MYO1D: variants seen among roughly 807,000 people sequenced by gnomAD.
MYO1D encodes the protein unconventional myosin-Id.
In MYO1D, 83 loss-of-function variants were observed where a neutral mutation model predicts 122.0. That is an observed-to-expected ratio of 0.68 (90% CI 0.57 to 0.82). MYO1D has a LOEUF of 0.82. Ranked by LOEUF, MYO1D falls within the 40% of genes least tolerant of loss-of-function variation. The probability of loss-of-function intolerance (pLI) is 0.00; values close to 1 mark genes in which losing one functional copy is unlikely to be tolerated. For synonymous variants in MYO1D, 464 were observed against 446.9 expected, an observed-to-expected ratio of 1.04 and a Z score of -0.48; for missense variants, 1,157 against 1,269.5, an observed-to-expected ratio of 0.91 and a Z score of 1.35.
intron 8 of MYO1D, among the ~76,000 whole-genome samples, chr17:32,761,812 A>G (rs1479836126): frequency 6.6e-6 from 1 of 152,116 alleles, no homozygotes; most frequent in Non-Finnish European, 1.5e-5. Flanking sequence ...AACTGTTCCT[A>G]TCCTACTTTT....
intron 10 of MYO1D, among the ~76,000 whole-genome samples, chr17:32,757,212 G>T (rs1598070773): frequency 6.6e-6 from 1 of 152,168 alleles, no homozygotes; most frequent in East Asian, 1.9e-4. Context: ...TGTATCTTAT[G>T]GACTGAAACC....
chr17:32,776,096 T>C, intron 3 of MYO1D, 67 bp from the exon 4 acceptor site: 1 of 1,428,812 alleles, frequency 7.0e-7, no homozygotes, highest in South Asian at 1.3e-5. Flanking sequence ...AAAAACTGGA[T>C]TTTGCTAAAC....
intron 21 of MYO1D, among the ~76,000 whole-genome samples, chr17:32,574,497 CT>C (rs1324603540): frequency 6.6e-6 from 1 of 152,174 alleles, no homozygotes; most frequent in African/African-American, 2.4e-5. Context: ...TGCAAGTCTT[CT>C]TTTCCTAATC....
chr17:32,565,732 GTT>G (rs199779989), intron 21 of MYO1D, among the ~76,000 whole-genome samples: 1 of 150,822 alleles, frequency 6.6e-6, no homozygotes. Flanking sequence ...GAGTGTGTGT[GTT>G]TTTTTTTTGA....
chr17:32,496,515 C>T (rs1909117374), intron 21 of MYO1D, among the ~76,000 whole-genome samples: 2 of 152,242 alleles, frequency 1.3e-5, no homozygotes, highest in South Asian at 2.1e-4. Context: ...CTCTTCTACT[C>T]TTGTGGGCAC....
Position 32,659,125 on chromosome 17 carries a change from T to C in MYO1D, c.2335A>G (p.Ile779Val). The change falls in exon 17 of 22, where the codon ATT (isoleucine) becomes GTT (valine). Residue 779 changes from isoleucine to valine, a missense_variant. Coordinates refer to ENST00000318217, the MANE Select transcript of MYO1D (RefSeq NM_015194.3). ...LRRFEEALQT[I>V]FNRWRASQLI... ...GCAGCACGTTCTTACCTATTGAAAATCGTCTGCAGGGCCTCCTCAAAACGG... is the reference window on the plus strand; with the variant it reads ...GCAGCACGTTCTTACCTATTGAAAACCGTCTGCAGGGCCTCCTCAAAACGG... 6.2e-7 allele frequency: 1 copy of C among 1,614,014 alleles called. No homozygotes were observed. Among genetic ancestry groups the C allele is most frequent in the Non-Finnish European group, 8.5e-7 (1 of 1,179,936 alleles).
At chr17:32,565,134 G>A (rs1438546329) in intron 21 of MYO1D, among the ~76,000 whole-genome samples, 1 of 152,166 alleles carries the variant, frequency 6.6e-6, no homozygotes, top group Non-Finnish European at 1.5e-5. Context: ...TTCTGGAGTA[G>A]CTGGGACTAC....
At chr17:32,817,339 G>A (rs1424566485) in intron 1 of MYO1D, among the ~76,000 whole-genome samples, 7 of 152,122 alleles carry the variant, frequency 4.6e-5, no homozygotes, top group Non-Finnish European at 1.0e-4. Context: ...CTGAGTAACA[G>A]GAAAACAACC....
intron 21 of MYO1D, among the ~76,000 whole-genome samples, chr17:32,507,395 C>A (rs1187220113): frequency 1.3e-5 from 2 of 152,104 alleles, no homozygotes; most frequent in Non-Finnish European, 2.9e-5. Flanking sequence ...CAGAGCGAGA[C>A]CCTATCTCAA....
chr17:32,786,988 G>T (rs1226823515), intron 1 of MYO1D, among the ~76,000 whole-genome samples: 1 of 151,606 alleles, frequency 6.6e-6, no homozygotes, highest in Non-Finnish European at 1.5e-5. Context: ...AATTATGAAA[G>T]AACATTCTGT....
At chr17:32,587,235 G>A (rs2087396058) in intron 21 of MYO1D, among the ~76,000 whole-genome samples, 1 of 152,204 alleles carries the variant, frequency 6.6e-6, no homozygotes, top group South Asian at 2.1e-4. Context: ...CGCCAGGCCA[G>A]GGGCTGTGGC....
chr17:32,846,538 C>T (rs995203892), intron 1 of MYO1D, among the ~76,000 whole-genome samples: 2 of 152,146 alleles, frequency 1.3e-5, no homozygotes, highest in Non-Finnish European at 2.9e-5. Flanking sequence ...AATAGAAATA[C>T]ATTCTTGCAA....
chr17:32,538,134 A>G (rs532253675), intron 21 of MYO1D, among the ~76,000 whole-genome samples: 10 of 152,324 alleles, frequency 6.6e-5, no homozygotes. Context: ...ATAGAAAATA[A>G]TGGTGCATCT....
chr17:32,839,476 C>T (rs1479347766), intron 1 of MYO1D, among the ~76,000 whole-genome samples: 2 of 152,150 alleles, frequency 1.3e-5, no homozygotes, highest in Non-Finnish European at 2.9e-5. Flanking sequence ...GGAGTAATTG[C>T]GTGTGGCTTT....
intron 21 of MYO1D, among the ~76,000 whole-genome samples, chr17:32,499,888 G>C (rs1031924465): frequency 2.0e-5 from 3 of 152,140 alleles, no homozygotes; most frequent in Admixed American, 2.0e-4. Context: ...GCTGGAGCCT[G>C]GGAGGCGGAG....
At chr17:32,555,448 G>GT (rs144815837) in intron 21 of MYO1D, among the ~76,000 whole-genome samples, 22 of 151,902 alleles carry the variant, frequency 1.4e-4, no homozygotes, top group Non-Finnish European at 2.8e-4. Flanking sequence ...TGTGCTTCCA[G>GT]TTTTTTTTAA....
At chr17:32,582,699 GCTTA>G (rs1194312471) in intron 21 of MYO1D, among the ~76,000 whole-genome samples, 2 of 152,206 alleles carry the variant, frequency 1.3e-5, no homozygotes, top group Middle Eastern at 3.4e-3. Flanking sequence ...TTTTCTATAT[GCTTA>G]CTGATTTTCT....
chr17:32,562,955 T>C (rs888573088), intron 21 of MYO1D, among the ~76,000 whole-genome samples: 2 of 152,200 alleles, frequency 1.3e-5, no homozygotes, highest in African/African-American at 4.8e-5. Context: ...TACTTTCAAA[T>C]GGTTTTCTAG....
intron 14 of MYO1D, among the ~76,000 whole-genome samples, chr17:32,728,810 T>C (rs1183787541): frequency 6.6e-6 from 1 of 152,224 alleles, no homozygotes; most frequent in Non-Finnish European, 1.5e-5. Flanking sequence ...AATACAACTT[T>C]ATTAACCAGA....
Sources: gnomAD v4.1 joint callset for allele counts (sites outside exome capture counted in the v4.1 genomes callset) on GRCh38, gnomAD v4.1.1 for gene constraint, MANE v1.5 for transcripts, NCBI Gene and HGNC (gene_info 2026-07-23, HGNC 2026-07-21) for gene names.